The following RBPJ variants were observed in gnomAD, a reference collection of about 807,000 sequenced individuals.
RBPJ encodes the protein recombining binding protein suppressor of hairless.
RBPJ carries 9 observed loss-of-function variants against 67.8 expected under a neutral mutation model. The observed-to-expected ratio is 0.13, with a 90% CI of 0.08 to 0.23. The LOEUF (loss-of-function observed/expected upper bound fraction) is 0.23, where lower values mean the gene tolerates loss of function less well. Among genes scored for constraint, RBPJ ranks in the 10% least tolerant of loss-of-function variants. RBPJ has a pLI of 1.00. For synonymous variants in RBPJ, 198 were observed against 203.3 expected, an observed-to-expected ratio of 0.97 and a Z score of 0.22; for missense variants, 305 against 595.6, an observed-to-expected ratio of 0.51 and a Z score of 5.08.
chr4:26,421,773 G>T (rs141391388), intron 5 of RBPJ, among the ~76,000 whole-genome samples: 37 of 152,194 alleles, frequency 2.4e-4, no homozygotes, highest in African/African-American at 8.9e-4. Context: ...CTGCAATAGT[G>T]ACTAATACAT....
rs778394499 is a variant in RBPJ, at chr4:26,407,176, G to A, written c.155+906G>A. On this transcript the variant is annotated intron_variant, in intron 3 of 10. Coordinates refer to ENST00000355476, the MANE Select transcript of RBPJ (RefSeq NM_015874.6). ...TTTGGTGGAAAATGTAGTTTTTTAC[G>A]CAAATGTGACCCCAAAAGTACCGTT... Among the ~76,000 whole-genome samples the A allele has an allele frequency of 3.1e-4, 47 of 152,212 alleles. 1 individual carries two copies. Among genetic ancestry groups the A allele is most frequent in the Non-Finnish European group, 8.8e-5 (6 of 68,010 alleles).
intron 2 of RBPJ, among the ~76,000 whole-genome samples, chr4:26,404,118 A>G (rs1459303988): frequency 6.8e-6 from 1 of 146,716 alleles, no homozygotes; most frequent in East Asian, 2.0e-4. Flanking sequence ...GCATTTCTCT[A>G]ATGATCAGTG....
intron 2 of RBPJ, among the ~76,000 whole-genome samples, chr4:26,386,612 T>C (rs1730944106): frequency 6.6e-6 from 1 of 152,202 alleles, no homozygotes; most frequent in Non-Finnish European, 1.5e-5. Context: ...AAACCTTTCT[T>C]AGAATTAGTC....
intron 1 of RBPJ, among the ~76,000 whole-genome samples, chr4:26,242,850 CAT>C (rs1416769498): frequency 6.6e-6 from 1 of 151,968 alleles, no homozygotes; most frequent in Non-Finnish European, 1.5e-5. Context: ...AGAAAGAACA[CAT>C]AAAGCACGTG....
chr4:26,285,901 T>G lies in RBPJ; in HGVS notation c.-166-76545T>G, dbSNP rs559944270. 3.9e-5 allele frequency among the ~76,000 whole-genome samples: 6 copies of G among 152,214 alleles called. No homozygotes were observed. In the South Asian group the frequency reaches 1.2e-3, roughly 32 times the overall value. The stretch of plus-strand genomic sequence containing the variant: ...TACCCACTGAGAGAGTATTCAAAAT[T>G]TTAGTCCAGACCAGCCTGGGCAACA... On this transcript the variant is annotated intron_variant, in intron 1 of 4. Transcript: ENST00000512351.
intron 1 of RBPJ, among the ~76,000 whole-genome samples, chr4:26,362,156 A>G (rs990722360): frequency 1.3e-5 from 2 of 152,166 alleles, no homozygotes; most frequent in Non-Finnish European, 2.9e-5. Flanking sequence ...CAGACCTAGC[A>G]CCTAGCAAGT....
Position 26,244,183 on chromosome 4 carries a change from G to A in RBPJ, c.-167+80569G>A, listed in dbSNP as rs1442362547. Among the ~76,000 whole-genome samples, 18 of 147,850 alleles carry A rather than the reference G, an allele frequency of 1.2e-4. 1 individual carries two copies. The highest frequency in any genetic ancestry group is 2.1e-4 in the Non-Finnish European group (14 of 66,644). On this transcript the variant is annotated intron_variant, in intron 1 of 4. Transcript: ENST00000512351. The stretch of plus-strand genomic sequence containing the variant: ...TATATATATATGTATACACATATAT[G>A]TATACATATATGTGTCTATATATGT...
At chr4:26,324,639 C>T (rs1163706714) in intron 1 of RBPJ, among the ~76,000 whole-genome samples, 1 of 152,152 alleles carries the variant, frequency 6.6e-6, no homozygotes, top group Non-Finnish European at 1.5e-5. Context: ...AAGCGATCCT[C>T]GTGCCTTAGC....
At chr4:26,157,104 C>CAA in the RBPJ span, among the ~76,000 whole-genome samples, 1 of 36,262 alleles carries the variant, frequency 2.8e-5, no homozygotes, top group East Asian at 8.5e-4. Context: ...CAAACAAAAA[C>CAA]AAACAAACAA....
intron 1 of RBPJ, among the ~76,000 whole-genome samples, chr4:26,293,609 C>A (rs925359813): frequency 6.7e-6 from 1 of 150,296 alleles, no homozygotes; most frequent in African/African-American, 2.5e-5. Context: ...GTACTCCAGC[C>A]TGGGTGACAG....
chr4:26,310,074 A>G (rs541959487), intron 1 of RBPJ, among the ~76,000 whole-genome samples: 1 of 152,322 alleles, frequency 6.6e-6, no homozygotes, highest in African/African-American at 2.4e-5. Context: ...AGGCCTGCAA[A>G]AAACTCAAAT....
chr4:26,138,832 G>A, the RBPJ span, among the ~76,000 whole-genome samples: 1 of 152,248 alleles, frequency 6.6e-6, no homozygotes, highest in Non-Finnish European at 1.5e-5. Context: ...GCTGACCTGG[G>A]AGACAGTATA....
chr4:26,165,031 G>A (rs548654426), intron 1 of RBPJ, among the ~76,000 whole-genome samples: 1 of 152,136 alleles, frequency 6.6e-6, no homozygotes, highest in East Asian at 1.9e-4. Context: ...AGCTAGTATA[G>A]TATTTAACTA....
chr4:26,167,663 C>G (rs1344295237), intron 1 of RBPJ, among the ~76,000 whole-genome samples: 2 of 136,848 alleles, frequency 1.5e-5, no homozygotes, highest in African/African-American at 5.6e-5. Flanking sequence ...CGTCTGCAAA[C>G]AGGGACAATT....
the RBPJ span, among the ~76,000 whole-genome samples, chr4:26,128,668 C>T: frequency 7.8e-4 from 118 of 152,242 alleles, no homozygotes; most frequent in African/African-American, 2.7e-3. Context: ...GATGACTAAA[C>T]GGGCATCTTA....
At chr4:26,323,587 A>C (rs912801676) in intron 1 of RBPJ, among the ~76,000 whole-genome samples, 2 of 152,222 alleles carry the variant, frequency 1.3e-5, no homozygotes, top group Non-Finnish European at 2.9e-5. Context: ...ATCTGTGAGT[A>C]TATTTTCAGA....
At chr4:26,167,390 A>C (rs567971872) in intron 1 of RBPJ, among the ~76,000 whole-genome samples, 1,555 of 149,190 alleles carry the variant, frequency 0.01, 21 homozygotes, top group African/African-American at 0.036. Flanking sequence ...CTTTTATTTC[A>C]TTGAGCAGTG....
At chr4:26,193,141 T>TC (rs1717627966) in intron 1 of RBPJ, among the ~76,000 whole-genome samples, 1 of 152,198 alleles carries the variant, frequency 6.6e-6, no homozygotes, top group South Asian at 2.1e-4. Flanking sequence ...TCCATTAAGA[T>TC]CCATGTCACC....
chr4:26,348,978 G>A (rs1264459978), intron 1 of RBPJ, among the ~76,000 whole-genome samples: 2 of 152,076 alleles, frequency 1.3e-5, no homozygotes, highest in Non-Finnish European at 2.9e-5. Context: ...AAGTGTTGAG[G>A]TTACAGGCGT....
Sources: gnomAD v4.1 joint callset for allele counts (sites outside exome capture counted in the v4.1 genomes callset) on GRCh38, gnomAD v4.1.1 for gene constraint, MANE v1.5 for transcripts, NCBI Gene and HGNC (gene_info 2026-07-23, HGNC 2026-07-21) for gene names.